The following CFAP299 variants were observed in gnomAD, a reference collection of about 807,000 sequenced individuals.
CFAP299 encodes the protein cilia- and flagella-associated protein 299.
A neutral mutation model predicts 27.0 loss-of-function variants in CFAP299; 21 were observed. The ratio of observed to expected loss-of-function variants is 0.78; its 90% CI spans 0.55 to 1.12. CFAP299 has a LOEUF of 1.12. Among genes scored for constraint, CFAP299 ranks in the 50% most tolerant of loss-of-function variants. The pLI is 0.00. For missense variants in CFAP299, 310 were observed against 276.6 expected (o/e 1.12, Z -0.86); for synonymous variants, 104 against 98.1 (o/e 1.06, Z -0.36).
intron 2 of CFAP299, among the ~76,000 whole-genome samples, chr4:80,442,260 T>G (rs191207367): frequency 1.1e-3 from 171 of 152,316 alleles, no homozygotes; most frequent in African/African-American, 3.8e-3. Flanking sequence ...ATATACATTC[T>G]TAGCACCACA....
chr4:80,573,986 T>G (rs1169634569), intron 2 of CFAP299, among the ~76,000 whole-genome samples: 1 of 152,086 alleles, frequency 6.6e-6, no homozygotes, highest in Non-Finnish European at 1.5e-5. Context: ...TTTTTCTATT[T>G]CTGTGAAGAA....
At chr4:80,614,884 C>T (rs1241921175) in intron 3 of CFAP299, among the ~76,000 whole-genome samples, 1 of 152,120 alleles carries the variant, frequency 6.6e-6, no homozygotes, top group African/African-American at 2.4e-5. Flanking sequence ...TGTCAACATA[C>T]AAGAGACACC....
chr4:80,486,201 T>C (rs576249729), intron 2 of CFAP299, among the ~76,000 whole-genome samples: 3 of 152,302 alleles, frequency 2.0e-5, no homozygotes, highest in East Asian at 1.9e-4. Flanking sequence ...ATGGAGACAA[T>C]GTGTGAAGCT....
intron 3 of CFAP299, among the ~76,000 whole-genome samples, chr4:80,591,104 AATTTTTTTTTT>A (rs1452486507): frequency 1.7e-5 from 2 of 116,498 alleles, no homozygotes; most frequent in Non-Finnish European, 3.4e-5. Context: ...TACTTTAGGA[AATTTTTTTTTT>A]TTTTTTTTTT....
At chr4:80,647,076 G>T (rs1333620678) in intron 3 of CFAP299, among the ~76,000 whole-genome samples, 1 of 151,846 alleles carries the variant, frequency 6.6e-6, no homozygotes, top group Non-Finnish European at 1.5e-5. Context: ...ATACAGATAA[G>T]ATTTAGATAT....
At chr4:80,665,007 C>T (rs534151367) in intron 3 of CFAP299, among the ~76,000 whole-genome samples, 14 of 152,122 alleles carry the variant, frequency 9.2e-5, no homozygotes, top group Non-Finnish European at 1.3e-4. Context: ...TTGCACTTCC[C>T]GGGTGAGGCA....
intron 4 of CFAP299, among the ~76,000 whole-genome samples, chr4:80,944,242 G>A (rs560669251): frequency 6.6e-5 from 10 of 152,142 alleles, no homozygotes; most frequent in South Asian, 2.1e-4. Flanking sequence ...TCCCCGAGTC[G>A]TTTTGCTTTG....
intron 3 of CFAP299, among the ~76,000 whole-genome samples, chr4:80,747,759 A>G (rs1282471912): frequency 1.1e-4 from 17 of 152,036 alleles, no homozygotes; most frequent in Admixed American, 1.0e-3. Context: ...ATCTGACTTG[A>G]AATGGCAAAT....
intron 5 of CFAP299, among the ~76,000 whole-genome samples, chr4:80,947,208 T>C (rs74640852): frequency 0.045 from 6,798 of 152,244 alleles, 549 homozygotes; most frequent in African/African-American, 0.15. Flanking sequence ...TTATGATAAA[T>C]TTGAAGAAAT....
intron 3 of CFAP299, among the ~76,000 whole-genome samples, chr4:80,821,871 C>T (rs1729725989): frequency 6.6e-6 from 1 of 151,602 alleles, no homozygotes; most frequent in Non-Finnish European, 1.5e-5. Context: ...GATGCATAGC[C>T]ATCCCCTGGC....
chr4:80,875,830 C>A (rs961400172), intron 4 of CFAP299, among the ~76,000 whole-genome samples: 12 of 152,060 alleles, frequency 7.9e-5, no homozygotes, highest in African/African-American at 2.7e-4. Flanking sequence ...TACCTGCTAG[C>A]TTCTTTTAGG....
At chr4:80,395,307 G>A (rs1006091666) in intron 2 of CFAP299, among the ~76,000 whole-genome samples, 34 of 151,996 alleles carry the variant, frequency 2.2e-4, no homozygotes, top group African/African-American at 7.5e-4. Context: ...GTAATTTTTG[G>A]TAGAGTTTTT....
chr4:80,391,096 T>G (rs1560544292), intron 2 of CFAP299, among the ~76,000 whole-genome samples: 1 of 151,920 alleles, frequency 6.6e-6, no homozygotes, highest in African/African-American at 2.4e-5. Flanking sequence ...CACACATATA[T>G]CCTGCATTTT....
intron 4 of CFAP299, among the ~76,000 whole-genome samples, chr4:80,944,059 C>T (rs942015373): frequency 6.9e-6 from 1 of 145,356 alleles, no homozygotes; most frequent in African/African-American, 2.6e-5. Context: ...AGCAAGACTC[C>T]ATCTCAATAA....
intron 4 of CFAP299, chr4:80,872,363 G>A (rs1733142192): frequency 6.6e-6 from 1 of 151,724 alleles, no homozygotes; most frequent in Non-Finnish European, 1.5e-5. Context: ...GTTGAATAAT[G>A]GTGAATCTAT....
intron 3 of CFAP299, among the ~76,000 whole-genome samples, chr4:80,646,779 ACT>A (rs946378549): frequency 6.6e-6 from 1 of 151,820 alleles, no homozygotes. Flanking sequence ...CTTTCTCTGT[ACT>A]CTTTTTACTT....
chr4:80,760,153 G>C (rs1391813135), intron 3 of CFAP299, among the ~76,000 whole-genome samples: 1 of 151,692 alleles, frequency 6.6e-6, no homozygotes, highest in Non-Finnish European at 1.5e-5. Context: ...CCTTAATTTT[G>C]AATATTTGCA....
intron 5 of CFAP299, among the ~76,000 whole-genome samples, chr4:80,956,620 T>G (rs2109864714): frequency 6.6e-6 from 1 of 151,798 alleles, no homozygotes; most frequent in South Asian, 2.1e-4. Context: ...TGCCTAAGAT[T>G]TTCTTTTTTT....
rs1260813017 is a variant in CFAP299, at chr4:80,801,520, A to G, written c.334-68473A>G. Reference sequence around the variant, plus strand: ...CTGATAAGCTATTTCTTAAATTCACATATATAAGAGAGAATAAAGGCTGTA... The same window carrying G: ...CTGATAAGCTATTTCTTAAATTCACGTATATAAGAGAGAATAAAGGCTGTA... On this transcript the variant is annotated intron_variant, in intron 3 of 5. Transcript: ENST00000358105. Among the ~76,000 whole-genome samples, 4 of 152,108 alleles carry G rather than the reference A, an allele frequency of 2.6e-5. No individual in the cohort carries two copies. In the South Asian group the frequency reaches 6.2e-4, roughly 24 times the overall value.
Sources: allele counts gnomAD v4.1 joint callset (sites outside exome capture counted in the v4.1 genomes callset), GRCh38; gene constraint gnomAD v4.1.1; transcripts MANE v1.5; gene names NCBI Gene and HGNC (gene_info 2026-07-23, HGNC 2026-07-21).